Variants in RGS6 observed in about 807,000 individuals in gnomAD.
RGS6 encodes the protein regulator of G protein signaling 6.
A neutral mutation model predicts 78.5 loss-of-function variants in RGS6; 30 were observed. The ratio of observed to expected loss-of-function variants is 0.38; its 90% CI spans 0.29 to 0.52. The LOEUF is 0.52. Among genes scored for constraint, RGS6 ranks in the 20% least tolerant of loss-of-function variants. The pLI is 0.85. For missense variants in RGS6, 495 were observed against 609.7 expected, an observed-to-expected ratio of 0.81 and a Z score of 1.98; for synonymous variants, 206 against 206.0, an observed-to-expected ratio of 1.00 and a Z score of 0.00.
intron 2 of RGS6, among the ~76,000 whole-genome samples, chr14:72,115,302 C>T (rs566367533): frequency 6.6e-6 from 1 of 152,272 alleles, no homozygotes; most frequent in African/African-American, 2.4e-5. Context: ...TGCTGTGTCT[C>T]TCTCTGATGC....
intron 2 of RGS6, among the ~76,000 whole-genome samples, chr14:72,056,216 G>A (rs2093611451): frequency 6.6e-6 from 1 of 152,292 alleles, no homozygotes; most frequent in South Asian, 2.1e-4. Context: ...GAGAAGTTAA[G>A]AAGCCTGCGC....
chr14:72,098,623 A>G (rs2095462062), intron 2 of RGS6, among the ~76,000 whole-genome samples: 2 of 152,214 alleles, frequency 1.3e-5, no homozygotes, highest in South Asian at 4.1e-4. Context: ...ATTTATCAGG[A>G]GACTGTACAT....
At chr14:72,478,824 G>T (rs2096301041) in intron 12 of RGS6, among the ~76,000 whole-genome samples, 4 of 152,116 alleles carry the variant, frequency 2.6e-5, no homozygotes, top group Admixed American at 2.6e-4. Flanking sequence ...AAAATATTTG[G>T]CCCCTCCAGC....
At chr14:72,540,167 T>G (rs1445618290) in intron 17 of RGS6, 73 bp downstream of exon 17, 1 of 1,531,520 alleles carries the variant, frequency 6.5e-7, no homozygotes, top group Non-Finnish European at 8.8e-7. Context: ...CTTTTTTTTT[T>G]TTTTCCCTTT....
intron 2 of RGS6, among the ~76,000 whole-genome samples, chr14:72,301,279 T>A (rs2065993856): frequency 6.6e-6 from 1 of 152,224 alleles, no homozygotes; most frequent in Non-Finnish European, 1.5e-5. Context: ...GTACTCAGAT[T>A]GATGGGTTTC....
At chr14:71,953,971 T>TTTTTG (rs2092577349) in intron 1 of RGS6, among the ~76,000 whole-genome samples, 1 of 142,402 alleles carries the variant, frequency 7.0e-6, no homozygotes, top group South Asian at 2.5e-4. Flanking sequence ...AAGTGGGCGT[T>TTTTTG]TTTTTTTTTT....
At chr14:72,071,516 A>G (rs909523220) in intron 2 of RGS6, among the ~76,000 whole-genome samples, 2 of 152,242 alleles carry the variant, frequency 1.3e-5, no homozygotes, top group African/African-American at 4.8e-5. Flanking sequence ...TGCTTCCATT[A>G]GCGGTACACA....
At chr14:71,946,125 C>CT (rs533666799) in intron 1 of RGS6, among the ~76,000 whole-genome samples, 232 of 151,954 alleles carry the variant, frequency 1.5e-3, no homozygotes, top group Admixed American at 3.7e-3. Context: ...ACATTTTAGA[C>CT]TTTTTTTTAG....
intron 1 of RGS6, among the ~76,000 whole-genome samples, chr14:71,935,871 G>T (rs904573991): frequency 6.6e-6 from 1 of 151,716 alleles, no homozygotes; most frequent in African/African-American, 2.4e-5. Context: ...CATCCTGGGA[G>T]TCTCTGATTG....
At chr14:72,499,543 A>G (rs2096692124) in intron 13 of RGS6, among the ~76,000 whole-genome samples, 1 of 152,138 alleles carries the variant, frequency 6.6e-6, no homozygotes, top group Non-Finnish European at 1.5e-5. Flanking sequence ...TGTCGATCAG[A>G]TATGTCACAA....
At chr14:72,095,957 T>A (rs531310192) in intron 2 of RGS6, among the ~76,000 whole-genome samples, 5 of 152,290 alleles carry the variant, frequency 3.3e-5, no homozygotes, top group African/African-American at 7.2e-5. Context: ...TTTTCCCAGC[T>A]AAGAAGGGAA....
At chr14:71,967,622 C>A (rs550184205) in intron 2 of RGS6, among the ~76,000 whole-genome samples, 1 of 152,216 alleles carries the variant, frequency 6.6e-6, no homozygotes, top group South Asian at 2.1e-4. Flanking sequence ...ATTGTGCTTT[C>A]ATTTTTGTTT....
At chr14:72,036,595 G>C (rs1219179277) in intron 2 of RGS6, among the ~76,000 whole-genome samples, 1 of 152,062 alleles carries the variant, frequency 6.6e-6, no homozygotes, top group East Asian at 1.9e-4. Context: ...ATCTTTTCAT[G>C]TGCTTATTTG....
At chr14:72,233,658 G>T (rs1185177926) in intron 2 of RGS6, among the ~76,000 whole-genome samples, 1 of 152,154 alleles carries the variant, frequency 6.6e-6, no homozygotes, top group Non-Finnish European at 1.5e-5. Context: ...TGTTTGGCAG[G>T]GCTGGTTCTA....
At chr14:71,919,392 C>G in the RGS6 span, among the ~76,000 whole-genome samples, 5 of 152,276 alleles carry the variant, frequency 3.3e-5, no homozygotes, top group African/African-American at 1.2e-4. Context: ...GACGGCATTT[C>G]TGACTTAGCA....
intron 2 of RGS6, among the ~76,000 whole-genome samples, chr14:72,059,346 G>C (rs562161881): frequency 3.3e-5 from 5 of 152,264 alleles, no homozygotes; most frequent in African/African-American, 9.6e-5. Flanking sequence ...ATGCAATTTG[G>C]AAGGGTTTAA....
intron 2 of RGS6, among the ~76,000 whole-genome samples, chr14:72,295,489 A>G (rs1206981880): frequency 6.6e-6 from 1 of 151,988 alleles, no homozygotes; most frequent in Non-Finnish European, 1.5e-5. Flanking sequence ...GGAGCCACTG[A>G]TCTCATCACT....
intron 3 of RGS6, among the ~76,000 whole-genome samples, chr14:72,437,319 C>T (rs2094968911): frequency 8.1e-6 from 1 of 123,482 alleles, no homozygotes; most frequent in South Asian, 2.7e-4. Context: ...CCAGCCTGGA[C>T]TACAGAGTGA....
At chr14:72,606,305 G>T in the RGS6 span, among the ~76,000 whole-genome samples, 1 of 152,088 alleles carries the variant, frequency 6.6e-6, no homozygotes, top group Non-Finnish European at 1.5e-5. Flanking sequence ...AACCCGCTAA[G>T]TCTAGGGCTG....
Sources: allele counts gnomAD v4.1 joint callset (sites outside exome capture counted in the v4.1 genomes callset), GRCh38; gene constraint gnomAD v4.1.1; transcripts MANE v1.5; gene names NCBI Gene and HGNC (gene_info 2026-07-23, HGNC 2026-07-21).